Variants in PRICKLE1 observed in about 807,000 individuals in gnomAD.
PRICKLE1 encodes the protein prickle-like protein 1.
Under a neutral mutation model 70.2 loss-of-function variants are expected in PRICKLE1, and 14 were observed. The observed-to-expected ratio is 0.20, with a 90% CI of 0.13 to 0.31. PRICKLE1 has a LOEUF of 0.31. PRICKLE1 is among the 10% of genes least tolerant of loss of function. The pLI is 1.00. For synonymous variants in PRICKLE1, 357 were observed against 379.9 expected (o/e 0.94, Z 0.70); for missense variants, 821 against 1,026.2 (o/e 0.80, Z 2.73).
At chr12:42,477,145 G>A (rs901552096) in intron 1 of PRICKLE1, among the ~76,000 whole-genome samples, 1 of 151,884 alleles carries the variant, frequency 6.6e-6, no homozygotes, top group African/African-American at 2.4e-5. Flanking sequence ...GGCCAAGGCG[G>A]GTGGATCACC....
chr12:42,532,703 C>T lies in PRICKLE1; in HGVS notation c.-49+56762G>A, dbSNP rs1434424677. Reference sequence around the variant, plus strand: ...ACGAGGTCAGGAGATCGAGACCATCCTGGCTAACACGGTGAAACCCCGTCT... The same window carrying T: ...ACGAGGTCAGGAGATCGAGACCATCTTGGCTAACACGGTGAAACCCCGTCT... On this transcript the variant is annotated intron_variant, in intron 1 of 7. Transcript: ENST00000345127. 2.0e-5 allele frequency among the ~76,000 whole-genome samples: 3 copies of T among 152,112 alleles called. No homozygotes were observed. The East Asian group carries it at 5.8e-4, about 29-fold the overall frequency.
At chr12:42,526,381 G>A (rs964818196) in intron 1 of PRICKLE1, among the ~76,000 whole-genome samples, 8 of 152,020 alleles carry the variant, frequency 5.3e-5, no homozygotes, top group South Asian at 2.1e-4. Context: ...AGGAGTTGGC[G>A]GGGGCAGAGG....
rs559401283 is a variant in PRICKLE1, at chr12:42,499,696, C to T, written c.-48-27132G>A. 5.1e-4 allele frequency among the ~76,000 whole-genome samples: 77 copies of T among 150,972 alleles called. 1 individual carries two copies. Among genetic ancestry groups the T allele is most frequent in the African/African-American group, 1.8e-3 (74 of 41,018 alleles). On this transcript the variant is annotated intron_variant, in intron 1 of 7. Coordinates refer to ENST00000345127, the MANE Select transcript of PRICKLE1 (RefSeq NM_153026.3). ...ACGGCCTCCCAAAGTGCTGGGATTA[C>T]AGGTATGAGCCACCGTGTCTGGCCT... is the stretch of plus-strand genomic sequence containing the variant.
intron 1 of PRICKLE1, among the ~76,000 whole-genome samples, chr12:42,583,794 T>C (rs1258889375): frequency 3.3e-5 from 5 of 152,216 alleles, no homozygotes; most frequent in African/African-American, 9.6e-5. Context: ...AGGATGTTTC[T>C]GCCAGGATTG....
At chr12:42,523,093 C>T (rs1296280184) in intron 1 of PRICKLE1, among the ~76,000 whole-genome samples, 1 of 152,054 alleles carries the variant, frequency 6.6e-6, no homozygotes. Context: ...TCCCAAGTAG[C>T]TGGGATTACA....
At chr12:42,576,720 C>G (rs1340059526) in intron 1 of PRICKLE1, among the ~76,000 whole-genome samples, 1 of 152,168 alleles carries the variant, frequency 6.6e-6, no homozygotes, top group Non-Finnish European at 1.5e-5. Context: ...AACTTAATCT[C>G]AGATATAATA....
chr12:42,533,838 C>A lies in PRICKLE1; in HGVS notation c.-49+55627G>T, dbSNP rs117624515. Among the ~76,000 whole-genome samples, 1,476 of 152,246 alleles carry A rather than the reference C, an allele frequency of 9.7e-3. 14 individuals carry two copies. The highest frequency in any genetic ancestry group is 0.013 in the Non-Finnish European group (890 of 68,006). ...GCCTTGTTCTTCTGACACTCTTCAT[C>A]TTGTGCCCTCACAACTCCCCTCCCA... On this transcript the variant is annotated intron_variant, in intron 1 of 7. Coordinates refer to ENST00000345127, the MANE Select transcript of PRICKLE1 (RefSeq NM_153026.3).
At chr12:42,491,910 A>C (rs1186043330) in intron 1 of PRICKLE1, among the ~76,000 whole-genome samples, 1 of 150,480 alleles carries the variant, frequency 6.6e-6, no homozygotes, top group Non-Finnish European at 1.5e-5. Flanking sequence ...CAGCCTCTCG[A>C]GCAGCTGGGA....
intron 2 of PRICKLE1, among the ~76,000 whole-genome samples, chr12:42,471,930 T>C (rs558832380): frequency 3.9e-5 from 6 of 152,338 alleles, no homozygotes; most frequent in African/African-American, 1.4e-4. Flanking sequence ...GTCTAAGCAG[T>C]AACACTTCAG....
At chr12:42,585,567 A>G (rs1330687862) in intron 1 of PRICKLE1, among the ~76,000 whole-genome samples, 4 of 152,126 alleles carry the variant, frequency 2.6e-5, no homozygotes, top group Non-Finnish European at 5.9e-5. Context: ...GCATACAGAA[A>G]AGTGATCTGA....
chr12:42,460,663 CCCCTAGAAGAGAGG>C lies in PRICKLE1; in HGVS notation c.1640-12_1641del. ...GGCTTGTTTTCTCCATCCACCGAAGCCCCTAGAAGAGAGGCCAAAACAAGATGTGCTTCTCAATC... is the reference window on the plus strand; with the variant it reads ...GGCTTGTTTTCTCCATCCACCGAAGCCCAAAACAAGATGTGCTTCTCAATC... On this transcript the variant is annotated splice_acceptor_variant and splice_polypyrimidine_tract_variant and coding_sequence_variant and intron_variant, in exon 8 of 8. Coordinates refer to ENST00000345127, the MANE Select transcript of PRICKLE1 (RefSeq NM_153026.3). LOFTEE classifies it high-confidence loss of function. The C allele has an allele frequency of 6.2e-7, 1 of 1,607,892 alleles. No homozygotes were observed. The highest frequency in any genetic ancestry group is 8.5e-7 in the Non-Finnish European group (1 of 1,179,992).
intron 1 of PRICKLE1, chr12:42,550,247 C>T (rs751253907): frequency 2.1e-4 from 32 of 152,580 alleles, no homozygotes; most frequent in Non-Finnish European, 3.2e-4. Context: ...GTGGGAGAAT[C>T]GCTTGAGTCC....
At chr12:42,577,436 T>C (rs1940821557) in intron 1 of PRICKLE1, among the ~76,000 whole-genome samples, 1 of 152,140 alleles carries the variant, frequency 6.6e-6, no homozygotes, top group Admixed American at 6.5e-5. Flanking sequence ...CCACACTGAA[T>C]AATAAATAAG....
At chr12:42,467,753 TAAATC>T (rs1190213720) in intron 5 of PRICKLE1, among the ~76,000 whole-genome samples, 5 of 151,620 alleles carry the variant, frequency 3.3e-5, no homozygotes, top group Admixed American at 6.6e-5. Flanking sequence ...CCCAAAAAAA[TAAATC>T]AAAACAAAAC....
At chr12:42,535,155 G>A (rs577805111) in intron 1 of PRICKLE1, among the ~76,000 whole-genome samples, 2 of 152,230 alleles carry the variant, frequency 1.3e-5, no homozygotes, top group Admixed American at 1.3e-4. Context: ...CTCAATTCTG[G>A]AACTTTCCTG....
chr12:42,496,504 C>A (rs139318720), intron 1 of PRICKLE1, among the ~76,000 whole-genome samples: 39 of 152,306 alleles, frequency 2.6e-4, no homozygotes, highest in African/African-American at 9.4e-4. Context: ...TCTTTCAAAA[C>A]TTGGAAGTGA....
chr12:42,533,184 G>A (rs1939951771), intron 1 of PRICKLE1, among the ~76,000 whole-genome samples: 2 of 150,434 alleles, frequency 1.3e-5, no homozygotes, highest in Non-Finnish European at 3.0e-5. Context: ...TGTTTACCAT[G>A]TTATTCTGGG....
chr12:42,558,338 G>T (rs1270843568), intron 1 of PRICKLE1, among the ~76,000 whole-genome samples: 1 of 152,232 alleles, frequency 6.6e-6, no homozygotes. Flanking sequence ...CATGAAGGGT[G>T]TAAAAGGGAG....
At chr12:42,555,807 A>G (rs893429203) in intron 1 of PRICKLE1, among the ~76,000 whole-genome samples, 5 of 152,214 alleles carry the variant, frequency 3.3e-5, no homozygotes, top group Non-Finnish European at 5.9e-5. Flanking sequence ...TTATTTCTGC[A>G]TAGCATTTTC....
Sources: gnomAD v4.1 joint callset for allele counts (sites outside exome capture counted in the v4.1 genomes callset) on GRCh38, gnomAD v4.1.1 for gene constraint, MANE v1.5 for transcripts, NCBI Gene and HGNC (gene_info 2026-07-23, HGNC 2026-07-21) for gene names.